Variants in ITPRID1 observed in about 807,000 individuals in gnomAD.
ITPRID1 encodes ITPR interacting domain containing 1.
ITPRID1 carries 96 observed loss-of-function variants against 95.4 expected under a neutral mutation model. That is an observed-to-expected ratio of 1.01 (90% confidence interval 0.85 to 1.19). ITPRID1 has a LOEUF of 1.19. Ranked by LOEUF, ITPRID1 falls within the 50% of genes most tolerant of loss-of-function variation. The probability of loss-of-function intolerance (pLI) is 0.00; values close to 1 mark genes in which losing one functional copy is unlikely to be tolerated. For missense variants in ITPRID1, 1,339 were observed against 1,252.9 expected, an observed-to-expected ratio of 1.07 and a Z score of -1.04; for synonymous variants, 510 against 453.6, an observed-to-expected ratio of 1.12 and a Z score of -1.58.
intron 5 of ITPRID1, among the ~76,000 whole-genome samples, chr7:31,561,110 A>T (rs527851292): frequency 6.6e-6 from 1 of 152,320 alleles, no homozygotes; most frequent in East Asian, 1.9e-4. Flanking sequence ...CGTAACCTTG[A>T]GAAGAGCTAT....
chr7:31,562,810 A>G (rs1990377), intron 5 of ITPRID1, among the ~76,000 whole-genome samples: 87,535 of 151,938 alleles, frequency 0.58, 26,433 homozygotes, highest in Middle Eastern at 0.71. Context: ...CCTGTCTTAA[A>G]GTCTTTCTTT....
intron 9 of ITPRID1, among the ~76,000 whole-genome samples, chr7:31,580,347 T>A: frequency 6.7e-6 from 1 of 148,664 alleles, no homozygotes; most frequent in Non-Finnish European, 1.5e-5. Context: ...TTAGCTAGGA[T>A]CCGAACAAAA....
chr7:31,640,906 G>C (rs913937534), intron 10 of ITPRID1, among the ~76,000 whole-genome samples: 4 of 152,152 alleles, frequency 2.6e-5, no homozygotes, highest in Admixed American at 2.0e-4. Context: ...CTGATTTTTA[G>C]CTTTTAGTTT....
At chr7:31,541,269 T>C (rs568670600) in intron 1 of ITPRID1, among the ~76,000 whole-genome samples, 1 of 152,324 alleles carries the variant, frequency 6.6e-6, no homozygotes, top group African/African-American at 2.4e-5. Flanking sequence ...ATGCAGTTGA[T>C]TCCTGTCCTG....
chr7:31,549,496 A>G lies in ITPRID1; in HGVS notation c.-27A>G. On this transcript the variant is annotated 5_prime_UTR_variant, in exon 2 of 15. Transcript: ENST00000615280. The stretch of plus-strand genomic sequence containing the variant: ...AAAAGAAAGAAAACTGACCAATATG[A>G]GTGGTGATTGTTTTGGATATATTTT... 6.6e-7 allele frequency: 1 copy of G among 1,525,174 alleles called. No homozygotes were observed. Among genetic ancestry groups the G allele is most frequent in the Non-Finnish European group, 8.8e-7 (1 of 1,141,586 alleles). 94.5% of individuals were successfully genotyped at this position (1,525,174 alleles called of 1,614,324 possible).
Position 31,585,324 on chromosome 7 carries a change from C to T in ITPRID1, c.1228+2133C>T, listed in dbSNP as rs1785550009. Among the ~76,000 whole-genome samples the T allele has an allele frequency of 2.0e-5, 3 of 152,194 alleles. No individual in the cohort carries two copies. In the South Asian group the frequency reaches 6.2e-4, roughly 32 times the overall value. Reference sequence around the variant, plus strand: ...TCATGGGCAATACTCTGCATACTAGCAGAAAAATTATGTTTAAGCATTTCC... The same window carrying T: ...TCATGGGCAATACTCTGCATACTAGTAGAAAAATTATGTTTAAGCATTTCC... On this transcript the variant is annotated intron_variant, in intron 10 of 14. Coordinates refer to ENST00000615280, the MANE Select transcript of ITPRID1 (RefSeq NM_001257967.3).
chr7:31,642,254 T>G lies in ITPRID1; in HGVS notation c.1307T>G (p.Leu436Arg), dbSNP rs762241265. The G allele has an allele frequency of 1.3e-6, 2 of 1,550,060 alleles. No homozygotes were observed. The highest frequency in any genetic ancestry group is 2.4e-5 in the South Asian group (2 of 83,910). Residue 436 changes from leucine (L) to arginine (R), a missense_variant, in exon 11 of 15, where the codon CTC becomes CGC. By Grantham distance (102) the Leu-to-Arg change is moderately radical. Transcript: ENST00000615280. ...GAGGAGCCGCTGGAACCGCTGCCCC[T>G]CCAGGTAGGAGGGTTTGGAACAGGG... The part of the protein sequence containing the change: ...FLEEPLEPLP[L>R]QMPSLPNSQS...
chr7:31,570,670 G>A (rs570994660), intron 6 of ITPRID1, among the ~76,000 whole-genome samples: 1 of 152,216 alleles, frequency 6.6e-6, no homozygotes, highest in Non-Finnish European at 1.5e-5. Flanking sequence ...GGCAACTCTC[G>A]CTTTGTTGAA....
rs1024231628 is a variant in ITPRID1, at chr7:31,652,778, C to T, written c.3084C>T (p.Thr1028=). 2 of 1,613,858 alleles carry T rather than the reference C, an allele frequency of 1.2e-6. No homozygotes were observed. The highest frequency in any genetic ancestry group is 1.7e-6 in the Non-Finnish European group (2 of 1,179,830). ...SSSAWAKLGP[T]PLSNCPVGEK... ...CAGCTTGGGCAAAGTTAGGTCCAAC[C>T]CCTTTGTCAAATTGTCCTGTTGGAG... The change falls in exon 15 of 15, where the codon ACC becomes ACT. Residue 1028 remains threonine (T), a synonymous_variant. Transcript: ENST00000615280.
intron 10 of ITPRID1, among the ~76,000 whole-genome samples, chr7:31,617,847 G>A (rs1489988773): frequency 6.6e-6 from 1 of 152,122 alleles, no homozygotes; most frequent in Admixed American, 6.5e-5. Flanking sequence ...GAAAACATTT[G>A]ACCTATTAAG....
intron 10 of ITPRID1, among the ~76,000 whole-genome samples, chr7:31,609,794 C>T (rs1203386238): frequency 2.0e-5 from 3 of 151,296 alleles, no homozygotes; most frequent in East Asian, 1.9e-4. Context: ...CTTATCTCTG[C>T]TCCAATCTTT....
chr7:31,571,918 G>A (rs1359391493), intron 6 of ITPRID1, among the ~76,000 whole-genome samples, 184 bp from the exon 7 acceptor site: 4 of 152,190 alleles, frequency 2.6e-5, no homozygotes, highest in African/African-American at 7.2e-5. Flanking sequence ...ATAATACAAC[G>A]CTCTTGAAAA....
At position 31,619,536 on chromosome 7, in the gene ITPRID1, A is replaced by C. The variant is rs563843934; in HGVS notation, c.1229-22640A>C. On this transcript the variant is annotated intron_variant, in intron 10 of 14. Transcript: ENST00000615280. ...AACATCTGATTTATTTTCAATCTCC[A>C]AAATTTACCTCATTCATCTATGCTG... 9.7e-3 allele frequency among the ~76,000 whole-genome samples: 280 copies of C among 28,888 alleles called. 1 individual carries two copies. Among genetic ancestry groups the C allele is most frequent in the Non-Finnish European group, 0.022 (212 of 9,492 alleles). The allele number at this position is 28,888 out of a possible 152,430, so 19.0% of individuals were successfully genotyped here.
chr7:31,554,308 G>T, intron 3 of ITPRID1, 167 bp from the exon 4 acceptor site: 1 of 1,259,596 alleles, frequency 7.9e-7, no homozygotes, highest in South Asian at 2.3e-5. Flanking sequence ...GCTGATCATG[G>T]AAAACAGGAG....
At position 31,516,505 on chromosome 7, in the gene ITPRID1, G is replaced by A. The variant is rs1783044832; in HGVS notation, c.-98+2385G>A. On this transcript the variant is annotated intron_variant, in intron 1 of 14. Transcript: ENST00000615280. Reference sequence around the variant, plus strand: ...CAGAGAAATCCCAGGGAGGGTAGTAGACAATGTGGCTGAGTTAGAGATGCC... The same window carrying A: ...CAGAGAAATCCCAGGGAGGGTAGTAAACAATGTGGCTGAGTTAGAGATGCC... 1.2e-4 allele frequency among the ~76,000 whole-genome samples: 18 copies of A among 152,286 alleles called. No individual in the cohort carries two copies. In the South Asian group the frequency reaches 3.7e-3, roughly 32 times the overall value.
chr7:31,595,070 C>CTTTTT (rs958852739), intron 10 of ITPRID1, among the ~76,000 whole-genome samples: 1 of 127,444 alleles, frequency 7.8e-6, no homozygotes, highest in African/African-American at 2.9e-5. Context: ...TTTATAATTT[C>CTTTTT]TTTTTTTTTT....
At chr7:31,615,105 A>T (rs1443667647) in intron 10 of ITPRID1, among the ~76,000 whole-genome samples, 1 of 152,196 alleles carries the variant, frequency 6.6e-6, no homozygotes, top group Non-Finnish European at 1.5e-5. Flanking sequence ...AAATTAGCAA[A>T]ATTCTAAAAG....
In ITPRID1 at chr7:31,642,964, G is replaced by A. The variant is rs756146204; in HGVS notation, c.1594G>A (p.Glu532Lys). ...MACAKTTTRG[E>K]CPRKDSHLWQ... ...CTGTGCCAAGACCACCACGAGGGGA[G>A]AATGCCCAAGGAAAGACAGCCATCT... is the stretch of plus-strand genomic sequence containing the variant. Residue 532 changes from glutamate (E) to lysine (K), a missense_variant, in exon 12 of 15, where the codon GAA becomes AAA. Coordinates refer to ENST00000615280, the MANE Select transcript of ITPRID1 (RefSeq NM_001257967.3). 1 of 1,614,040 alleles carries A rather than the reference G, an allele frequency of 6.2e-7. No homozygotes were observed. Among genetic ancestry groups the A allele is most frequent in the Admixed American group, 1.7e-5 (1 of 60,030 alleles).
intron 10 of ITPRID1, among the ~76,000 whole-genome samples, chr7:31,624,413 C>A (rs1322656735): frequency 1.0e-4 from 14 of 138,030 alleles, no homozygotes; most frequent in African/African-American, 3.8e-4. Flanking sequence ...GGTACTGGTA[C>A]CAAAACAGAG....
Sources: allele counts gnomAD v4.1 joint callset (sites outside exome capture counted in the v4.1 genomes callset), GRCh38; gene constraint gnomAD v4.1.1; transcripts MANE v1.5; gene names NCBI Gene and HGNC (gene_info 2026-07-23, HGNC 2026-07-21).